CD302: variants seen among roughly 807,000 people sequenced by gnomAD.
CD302 encodes CD302 molecule, also known as CD302 antigen.
Under a neutral mutation model 26.5 loss-of-function variants are expected in CD302, and 23 were observed. That is an observed-to-expected ratio of 0.87 (90% CI 0.62 to 1.23). The LOEUF is 1.23. Among genes scored for constraint, CD302 ranks in the 50% most tolerant of loss-of-function variants. The pLI is 0.00. For missense variants in CD302, 290 were observed against 275.5 expected (o/e 1.05, Z -0.37); for synonymous variants, 90 against 99.4 (o/e 0.91, Z 0.56).
chr2:159,778,054 C>T (rs947881148), intron 4 of CD302, 90 bp from the exon 5 acceptor site: 12 of 213,230 alleles, frequency 5.6e-5, no homozygotes, highest in South Asian at 4.7e-4. Flanking sequence ...TAAAAATAAA[C>T]CCTTTTATTA....
chr2:159,782,295 C>T (rs1299876721), intron 2 of CD302, among the ~76,000 whole-genome samples: 1 of 151,480 alleles, frequency 6.6e-6, no homozygotes, highest in East Asian at 1.9e-4. Flanking sequence ...CGCTGGTAAT[C>T]CCAGCTACTC....
At chr2:159,790,317 G>C (rs1708775588) in intron 1 of CD302, among the ~76,000 whole-genome samples, 1 of 152,080 alleles carries the variant, frequency 6.6e-6, no homozygotes, top group South Asian at 2.1e-4. Flanking sequence ...CAAAAAGTAG[G>C]CAATATTTAA....
chr2:159,783,387 C>T lies in CD302; in HGVS notation c.150G>A (p.Glu50=), dbSNP rs1419016775. 1.2e-6 allele frequency: 2 copies of T among 1,610,892 alleles called. No individual in the cohort carries two copies. Among genetic ancestry groups the T allele is most frequent in the Non-Finnish European group, 1.7e-6 (2 of 1,179,212 alleles). Residue 50 remains glutamate, a synonymous_variant, in exon 2 of 6, where the codon GAG becomes GAA. Transcript: ENST00000259053. Reference sequence around the variant, plus strand: ...GGTCAGTACACTGATTTCTGACATCCTCTATGCTTTCTACTTTGATGGCTT... The same window carrying T: ...GGTCAGTACACTGATTTCTGACATCTTCTATGCTTTCTACTTTGATGGCTT... ...LQEAIKVESI[E]DVRNQCTDHG...
chr2:159,776,981 C>G (rs1201639219), intron 5 of CD302, among the ~76,000 whole-genome samples: 1 of 152,196 alleles, frequency 6.6e-6, no homozygotes, highest in Admixed American at 6.5e-5. Flanking sequence ...GGTGGCTGGG[C>G]ATGGCGGCCC....
At chr2:159,795,891 A>G (rs1708942566) in intron 1 of CD302, among the ~76,000 whole-genome samples, 1 of 152,214 alleles carries the variant, frequency 6.6e-6, no homozygotes, top group Non-Finnish European at 1.5e-5. Context: ...ATGCTTGTTC[A>G]CTCAGCTCAT....
intron 4 of CD302, among the ~76,000 whole-genome samples, chr2:159,778,192 G>A (rs1355661209): frequency 6.6e-6 from 1 of 152,100 alleles, no homozygotes; most frequent in African/African-American, 2.4e-5. Context: ...GCATTAGCTT[G>A]GTTGGTGGAA....
intron 1 of CD302, among the ~76,000 whole-genome samples, chr2:159,790,549 G>T (rs541521782): frequency 5.3e-5 from 8 of 152,242 alleles, no homozygotes; most frequent in African/African-American, 1.9e-4. Flanking sequence ...GTCATTTCCA[G>T]AATAAAACTC....
At chr2:159,772,171 C>T in intron 5 of CD302, 118 bp from the exon 6 acceptor site, 3 of 1,256,590 alleles carry the variant, frequency 2.4e-6, no homozygotes, top group Non-Finnish European at 3.2e-6. Flanking sequence ...GAATTTCCCA[C>T]ACTGATGAGA....
intron 1 of CD302, among the ~76,000 whole-genome samples, chr2:159,793,776 C>A (rs1171757677): frequency 6.6e-6 from 1 of 152,168 alleles, no homozygotes; most frequent in Non-Finnish European, 1.5e-5. Flanking sequence ...GACACCTCAT[C>A]CCCTCTCCAT....
intron 2 of CD302, among the ~76,000 whole-genome samples, chr2:159,781,756 C>T (rs903942195): frequency 7.2e-5 from 11 of 152,060 alleles, no homozygotes; most frequent in Admixed American, 2.0e-4. Context: ...TTGGAAATTT[C>T]GTCTTGTTTT....
At position 159,770,236 on chromosome 2, in the gene CD302, A is replaced by G. The variant is rs1234895466; in HGVS notation, c.*1615T>C. The G allele has an allele frequency of 1.3e-5, 2 of 152,232 alleles. No homozygotes were observed. Among genetic ancestry groups the G allele is most frequent in the African/African-American group, 2.4e-5 (1 of 41,458 alleles). 9.4% of individuals were successfully genotyped at this position (152,232 alleles called of 1,614,324 possible). A position where few individuals can be genotyped will look rare whatever the true frequency, so the allele number is the denominator to read the frequency against. On this transcript the variant is annotated 3_prime_UTR_variant, in exon 6 of 6. Transcript: ENST00000259053. ...TATTGACATTAGTAATAGTCTATCAATAATAAAATAGACATCTCAATCACT... is the reference window on the plus strand; with the variant it reads ...TATTGACATTAGTAATAGTCTATCAGTAATAAAATAGACATCTCAATCACT...
chr2:159,773,568 C>T (rs947619256), intron 5 of CD302, among the ~76,000 whole-genome samples: 1 of 152,204 alleles, frequency 6.6e-6, no homozygotes, highest in Admixed American at 6.5e-5. Flanking sequence ...TGGACAGTGT[C>T]CAAGATGGGC....
intron 5 of CD302, among the ~76,000 whole-genome samples, chr2:159,774,875 G>GTT (rs1708263796): frequency 6.6e-6 from 1 of 152,090 alleles, no homozygotes; most frequent in Admixed American, 6.5e-5. Context: ...ACACTTAACT[G>GTT]TTGGGTTGTT....
chr2:159,779,943 T>C (rs1484983445), intron 4 of CD302, 62 bp downstream of exon 4: 15 of 1,540,794 alleles, frequency 9.7e-6, no homozygotes, highest in Middle Eastern at 1.7e-4. Flanking sequence ...AAAATTATTT[T>C]AAAACCAGTC....
intron 1 of CD302, among the ~76,000 whole-genome samples, chr2:159,790,581 G>C (rs1358809910): frequency 6.6e-6 from 1 of 152,170 alleles, no homozygotes; most frequent in Non-Finnish European, 1.5e-5. Context: ...CAAAAGGGCA[G>C]AGGCTCTAAA....
intron 1 of CD302, among the ~76,000 whole-genome samples, chr2:159,793,203 GATTTTATA>G (rs1452675831): frequency 6.6e-6 from 1 of 152,108 alleles, no homozygotes; most frequent in Non-Finnish European, 1.5e-5. Context: ...GACTCTTAGG[GATTTTATA>G]ATTTTATAAT....
At chr2:159,790,377 G>GA (rs750802635) in intron 1 of CD302, among the ~76,000 whole-genome samples, 51 of 149,152 alleles carry the variant, frequency 3.4e-4, no homozygotes, top group South Asian at 1.7e-3. Context: ...AAAGGAAAAA[G>GA]AAAAAAAAAA....
intron 5 of CD302, among the ~76,000 whole-genome samples, chr2:159,774,454 T>G (rs72965353): frequency 0.065 from 9,840 of 152,270 alleles, 398 homozygotes; most frequent in Non-Finnish European, 0.093. Context: ...GAACTATACA[T>G]AATCCACCTC....
rs902465537 is a variant in CD302 at position 159,771,016 on chromosome 2, T to G, written c.*835A>C. 2 of 152,218 alleles carry G rather than the reference T, an allele frequency of 1.3e-5. No homozygotes were observed. The highest frequency in any genetic ancestry group is 2.4e-5 in the African/African-American group (1 of 41,460). The allele number at this position is 152,218 out of a possible 1,614,324, so 9.4% of individuals were successfully genotyped here. A position where few individuals can be genotyped will look rare whatever the true frequency, so the allele number is the denominator to read the frequency against. ...TGTACAATAAATGCACTGAAAACTT[T>G]GATCACTGTCACTACAGTTGTACTT... On this transcript the variant is annotated 3_prime_UTR_variant, in exon 6 of 6. Coordinates refer to ENST00000259053, the MANE Select transcript of CD302 (RefSeq NM_014880.5).
Sources: allele counts gnomAD v4.1 joint callset (sites outside exome capture counted in the v4.1 genomes callset), GRCh38; gene constraint gnomAD v4.1.1; transcripts MANE v1.5; gene names NCBI Gene and HGNC (gene_info 2026-07-23, HGNC 2026-07-21).